The following CACNA1E variants were observed in gnomAD, a reference collection of about 807,000 sequenced individuals.
CACNA1E encodes voltage-dependent R-type calcium channel subunit alpha-1E.
In CACNA1E, 40 loss-of-function variants were observed where a neutral mutation model predicts 259.2. The observed-to-expected ratio is 0.15, with a 90% CI of 0.12 to 0.20. The LOEUF (loss-of-function observed/expected upper bound fraction) is 0.20, where lower values mean the gene tolerates loss of function less well. Among genes scored for constraint, CACNA1E ranks in the 10% least tolerant of loss-of-function variants. CACNA1E has a pLI of 1.00. For synonymous variants in CACNA1E, 1,104 were observed against 1,138.5 expected (o/e 0.97, Z 0.61); for missense variants, 1,874 against 3,040.1 (o/e 0.62, Z 9.02).
intron 3 of CACNA1E, among the ~76,000 whole-genome samples, chr1:181,546,503 T>C (rs1229858482): frequency 6.6e-6 from 1 of 152,120 alleles, no homozygotes; most frequent in Non-Finnish European, 1.5e-5. Flanking sequence ...TGCCTTCTGT[T>C]TTCTATCTCA....
At chr1:181,745,655 C>T (rs1192427696) in intron 25 of CACNA1E, among the ~76,000 whole-genome samples, 1 of 152,174 alleles carries the variant, frequency 6.6e-6, no homozygotes, top group Non-Finnish European at 1.5e-5. Context: ...TGCCAGCCAC[C>T]TTCCTAATCC....
chr1:181,559,309 C>T (rs1221505965), intron 3 of CACNA1E, among the ~76,000 whole-genome samples: 1 of 152,144 alleles, frequency 6.6e-6, no homozygotes, highest in Admixed American at 6.5e-5. Context: ...TTGTAGGGAG[C>T]TGTTGGAGAG....
At chr1:181,353,317 G>A (rs917219421) in intron 1 of CACNA1E, among the ~76,000 whole-genome samples, 18 of 152,270 alleles carry the variant, frequency 1.2e-4, no homozygotes, top group African/African-American at 4.1e-4. Flanking sequence ...TTGTCCAGTC[G>A]GAGAAACAGA....
chr1:181,435,356 TTATC>T (rs1389992213), intron 2 of CACNA1E, among the ~76,000 whole-genome samples: 1 of 152,194 alleles, frequency 6.6e-6, no homozygotes, highest in East Asian at 1.9e-4. Flanking sequence ...CTACAGAAAA[TTATC>T]TAATTGCTCC....
At chr1:181,756,229 C>A in intron 29 of CACNA1E, 136 bp downstream of exon 29, 2 of 800,232 alleles carry the variant, frequency 2.5e-6, no homozygotes, top group Non-Finnish European at 3.7e-6. Flanking sequence ...GAAGGTGACA[C>A]AGGCAGAAAA....
Position 181,791,793 on chromosome 1 carries a change from T to A in CACNA1E, c.5898+1237T>A, listed in dbSNP as rs1241404659. 5.3e-5 allele frequency among the ~76,000 whole-genome samples: 8 copies of A among 152,182 alleles called. No individual in the cohort carries two copies. In the East Asian group the frequency reaches 1.5e-3, roughly 29 times the overall value. ...TAAATTCTGATTCATCTGTGGCTCTTCTCTCCCCTTCATTTCTCTCCTGAT... is the reference window on the plus strand; with the variant it reads ...TAAATTCTGATTCATCTGTGGCTCTACTCTCCCCTTCATTTCTCTCCTGAT... On this transcript the variant is annotated intron_variant, in intron 44 of 47. Coordinates refer to ENST00000367573, the MANE Select transcript of CACNA1E (RefSeq NM_001205293.3).
intron 18 of CACNA1E, 127 bp downstream of exon 18, chr1:181,726,289 A>C (rs1654904184): frequency 1.5e-6 from 1 of 646,428 alleles, no homozygotes; most frequent in Non-Finnish European, 2.8e-6. Flanking sequence ...AGAATACAGC[A>C]GTGAGCCAGA....
At chr1:181,407,163 C>T (rs1363646895) in intron 1 of CACNA1E, among the ~76,000 whole-genome samples, 1 of 152,100 alleles carries the variant, frequency 6.6e-6, no homozygotes, top group Non-Finnish European at 1.5e-5. Flanking sequence ...GGACATTAGC[C>T]CATCCTTGAA....
Position 181,788,621 on chromosome 1 carries a change from A to G in CACNA1E, c.5787-1824A>G, listed in dbSNP as rs78829728. ...ATCCAATGAACTAAAAAAGGCCGCC[A>G]TGTCTGGAGTTCAGGGAGCAAAGGG... On this transcript the variant is annotated intron_variant, in intron 43 of 47. Coordinates refer to ENST00000367573, the MANE Select transcript of CACNA1E (RefSeq NM_001205293.3). Among the ~76,000 whole-genome samples, 34 of 152,292 alleles carry G rather than the reference A, an allele frequency of 2.2e-4. 2 individuals are homozygous for G. The East Asian group carries it at 6.6e-3, about 29-fold the overall frequency.
rs371789420 is a variant in CACNA1E at position 181,656,010 on chromosome 1, A to T, written c.1055+4569A>T. Reference sequence around the variant, plus strand: ...AACATCATAGTGCAATGCATTACTCACATGGTTGTGGTGACGCTGGTGTAA... The same window carrying T: ...AACATCATAGTGCAATGCATTACTCTCATGGTTGTGGTGACGCTGGTGTAA... On this transcript the variant is annotated intron_variant, in intron 7 of 47. Transcript: ENST00000367573. Among the ~76,000 whole-genome samples the T allele has an allele frequency of 6.6e-5, 10 of 152,194 alleles. No individual in the cohort carries two copies. The East Asian group carries it at 1.9e-3, about 29-fold the overall frequency.
At chr1:181,368,429 C>A (rs1026546078) in intron 1 of CACNA1E, among the ~76,000 whole-genome samples, 9 of 152,082 alleles carry the variant, frequency 5.9e-5, no homozygotes, top group African/African-American at 2.2e-4. Context: ...TTATTAAAGA[C>A]AATTGAATTA....
chr1:181,602,511 G>C (rs1653841522), intron 6 of CACNA1E, among the ~76,000 whole-genome samples: 1 of 152,058 alleles, frequency 6.6e-6, no homozygotes, highest in Non-Finnish European at 1.5e-5. Flanking sequence ...TCAGATTTTT[G>C]GATTTGGGAT....
chr1:181,685,450 C>T (rs1324378430), intron 7 of CACNA1E, among the ~76,000 whole-genome samples: 1 of 152,126 alleles, frequency 6.6e-6, no homozygotes, highest in African/African-American at 2.4e-5. Flanking sequence ...AGTTTCATTG[C>T]ACAATCTTCC....
intron 1 of CACNA1E, among the ~76,000 whole-genome samples, chr1:181,382,331 G>T (rs1294105657): frequency 6.6e-6 from 1 of 152,168 alleles, no homozygotes; most frequent in Non-Finnish European, 1.5e-5. Flanking sequence ...GGTGAGTTTA[G>T]ATTTTATTTT....
chr1:181,449,257 C>G (rs1382993806), intron 2 of CACNA1E, among the ~76,000 whole-genome samples: 3 of 152,210 alleles, frequency 2.0e-5, no homozygotes, highest in Non-Finnish European at 4.4e-5. Flanking sequence ...AGAAAAATCT[C>G]AAGATACATG....
exon 1 of CACNA1E, chr1:181,317,914 C>T (rs1041162010): frequency 6.6e-6 from 1 of 151,946 alleles, no homozygotes; most frequent in Non-Finnish European, 1.5e-5. Context: ...ATTTTGTTCT[C>T]CATTTGTGGC....
intron 2 of CACNA1E, among the ~76,000 whole-genome samples, chr1:181,433,024 A>G (rs1342080761): frequency 6.6e-6 from 1 of 152,236 alleles, no homozygotes; most frequent in Non-Finnish European, 1.5e-5. Context: ...CCCTTCCAGC[A>G]CATCTCAGTT....
intron 1 of CACNA1E, among the ~76,000 whole-genome samples, chr1:181,326,575 C>T (rs1278520062): frequency 6.6e-6 from 1 of 152,158 alleles, no homozygotes; most frequent in Non-Finnish European, 1.5e-5. Context: ...GCTTCCCAGT[C>T]CACCCTGGCC....
chr1:181,530,169 C>T (rs1055640063), intron 3 of CACNA1E, among the ~76,000 whole-genome samples: 7 of 152,124 alleles, frequency 4.6e-5, no homozygotes, highest in Admixed American at 2.0e-4. Flanking sequence ...ATGGGTTTAT[C>T]GGGGTTTCCA....
Sources: allele counts gnomAD v4.1 joint callset (sites outside exome capture counted in the v4.1 genomes callset), GRCh38; gene constraint gnomAD v4.1.1; transcripts MANE v1.5; gene names NCBI Gene and HGNC (gene_info 2026-07-23, HGNC 2026-07-21).